LHFPL6: variants seen among roughly 807,000 people sequenced by gnomAD.
LHFPL6 encodes the protein LHFPL tetraspan subfamily member 6 protein.
In LHFPL6, 9 loss-of-function variants were observed where a neutral mutation model predicts 20.6. The ratio of observed to expected loss-of-function variants is 0.44; its 90% confidence interval spans 0.26 to 0.76. The LOEUF (loss-of-function observed/expected upper bound fraction) is 0.76, where lower values mean the gene tolerates loss of function less well. Ranked by LOEUF, LHFPL6 falls within the 30% of genes least tolerant of loss-of-function variation. The probability of loss-of-function intolerance (pLI) is 0.20; values close to 1 mark genes in which losing one functional copy is unlikely to be tolerated. For missense variants in LHFPL6, 218 were observed against 253.5 expected (o/e 0.86, Z 0.95); for synonymous variants, 105 against 98.7 (o/e 1.06, Z -0.38).
intron 2 of LHFPL6, among the ~76,000 whole-genome samples, chr13:39,393,920 C>T (rs1360759151): frequency 6.6e-6 from 1 of 152,118 alleles, no homozygotes; most frequent in Non-Finnish European, 1.5e-5. Context: ...CCTAATGTCT[C>T]TTTGTAAGTC....
chr13:39,527,952 T>C (rs1870347785), intron 2 of LHFPL6, among the ~76,000 whole-genome samples: 1 of 152,214 alleles, frequency 6.6e-6, no homozygotes. Flanking sequence ...TTCATGATCA[T>C]AAAACTTTAA....
At position 39,441,314 on chromosome 13, in the gene LHFPL6, G is replaced by C. The variant is rs550365127; in HGVS notation, c.386-62788C>G. Among the ~76,000 whole-genome samples the C allele has an allele frequency of 9.2e-5, 14 of 151,638 alleles. No individual in the cohort carries two copies. The South Asian group carries it at 2.7e-3, about 29-fold the overall frequency. On this transcript the variant is annotated intron_variant, in intron 2 of 3. Coordinates refer to ENST00000379589, the MANE Select transcript of LHFPL6 (RefSeq NM_005780.3). ...GCCTTGTTAAATGCATTGTTTATTA[G>C]GCTATTAGTTGATCAGGAAGTCAAA...
intron 2 of LHFPL6, among the ~76,000 whole-genome samples, chr13:39,387,653 T>C (rs932815408): frequency 1.3e-5 from 2 of 151,074 alleles, no homozygotes; most frequent in African/African-American, 4.9e-5. Flanking sequence ...TCTACTCAAG[T>C]GGTAGATCCA....
intron 2 of LHFPL6, among the ~76,000 whole-genome samples, chr13:39,553,382 A>G (rs1488514776): frequency 1.3e-5 from 2 of 152,148 alleles, no homozygotes; most frequent in Non-Finnish European, 2.9e-5. Flanking sequence ...AATGCAGTGG[A>G]AGTGACACTA....
At position 39,403,150 on chromosome 13, in the gene LHFPL6, A is replaced by T. The variant is rs1020953614; in HGVS notation, c.386-24624T>A. 4.6e-5 allele frequency among the ~76,000 whole-genome samples: 7 copies of T among 152,240 alleles called. No homozygotes were observed. The South Asian group carries it at 8.3e-4, about 18-fold the overall frequency. On this transcript the variant is annotated intron_variant, in intron 2 of 3. Transcript: ENST00000379589. ...TATTGAGAAATAGGGAAAAACAGGG[A>T]TCAATACATTGTGTGAGGTATGGGA... is the stretch of plus-strand genomic sequence containing the variant.
At chr13:39,372,777 T>C (rs1282738221) in intron 3 of LHFPL6, among the ~76,000 whole-genome samples, 1 of 152,256 alleles carries the variant, frequency 6.6e-6, no homozygotes, top group Non-Finnish European at 1.5e-5. Context: ...ACTACAAATG[T>C]GAGGTTTTTA....
intron 2 of LHFPL6, among the ~76,000 whole-genome samples, chr13:39,493,078 G>T (rs913568383): frequency 6.6e-6 from 1 of 151,994 alleles, no homozygotes; most frequent in South Asian, 2.1e-4. Flanking sequence ...GGTCATTCAG[G>T]TTCATGCCAA....
chr13:39,470,811 GT>G (rs1872924897), intron 2 of LHFPL6, among the ~76,000 whole-genome samples: 1 of 152,164 alleles, frequency 6.6e-6, no homozygotes, highest in Admixed American at 6.5e-5. Flanking sequence ...AGTAACTCAA[GT>G]TTTAGATAAT....
chr13:39,504,082 A>G (rs577727616), intron 2 of LHFPL6, among the ~76,000 whole-genome samples: 1 of 152,330 alleles, frequency 6.6e-6, no homozygotes, highest in South Asian at 2.1e-4. Flanking sequence ...TAAATAATAA[A>G]TATATGACTG....
At chr13:39,480,726 C>T (rs962651774) in intron 2 of LHFPL6, among the ~76,000 whole-genome samples, 1 of 152,140 alleles carries the variant, frequency 6.6e-6, no homozygotes, top group African/African-American at 2.4e-5. Flanking sequence ...GCAACTATGA[C>T]ATTATTATAC....
intron 2 of LHFPL6, among the ~76,000 whole-genome samples, chr13:39,405,344 C>T (rs1871092616): frequency 6.6e-6 from 1 of 152,140 alleles, no homozygotes; most frequent in Admixed American, 6.5e-5. Flanking sequence ...AGTCAGAAAA[C>T]CAGATTCACT....
intron 2 of LHFPL6, among the ~76,000 whole-genome samples, chr13:39,528,496 G>A (rs559740761): frequency 6.6e-6 from 1 of 152,334 alleles, no homozygotes; most frequent in African/African-American, 2.4e-5. Context: ...GTGCCAAGCT[G>A]TAGGGCATCC....
At chr13:39,562,631 T>TATATACAC (rs1275626463) in intron 2 of LHFPL6, among the ~76,000 whole-genome samples, 2 of 31,198 alleles carry the variant, frequency 6.4e-5, no homozygotes, top group African/African-American at 1.3e-4. Context: ...TATACACACA[T>TATATACAC]ATATATACAC....
intron 2 of LHFPL6, among the ~76,000 whole-genome samples, chr13:39,588,502 A>C (rs1361957908): frequency 6.6e-6 from 1 of 152,264 alleles, no homozygotes; most frequent in African/African-American, 2.4e-5. Context: ...AAATAAACTT[A>C]AGCTGGTTTG....
intron 2 of LHFPL6, among the ~76,000 whole-genome samples, chr13:39,437,706 T>C (rs1872000649): frequency 6.6e-6 from 1 of 151,994 alleles, no homozygotes; most frequent in South Asian, 2.1e-4. Context: ...GATCAAACCA[T>C]CCTGGCTAAC....
At position 39,407,539 on chromosome 13, in the gene LHFPL6, C is replaced by T. The variant is rs1054122692; in HGVS notation, c.386-29013G>A. Among the ~76,000 whole-genome samples the T allele has an allele frequency of 3.9e-5, 6 of 152,140 alleles. 1 individual carries two copies. Among genetic ancestry groups the T allele is most frequent in the Non-Finnish European group, 5.9e-5 (4 of 68,034 alleles). ...AAATTGAAAACTGGAAGAATTAGGT[C>T]ATGTCATCAAAACTTGCTATTTGCT... On this transcript the variant is annotated intron_variant, in intron 2 of 3. Transcript: ENST00000379589.
chr13:39,370,215 C>T (rs78929914), intron 3 of LHFPL6, among the ~76,000 whole-genome samples: 10,199 of 152,142 alleles, frequency 0.067, 376 homozygotes, highest in African/African-American at 0.083. Flanking sequence ...CCCTTGGACG[C>T]GGAAGTTTCC....
At chr13:39,385,811 C>T (rs1870549863) in intron 2 of LHFPL6, among the ~76,000 whole-genome samples, 1 of 152,214 alleles carries the variant, frequency 6.6e-6, no homozygotes, top group Admixed American at 6.5e-5. Flanking sequence ...CAATTACTCT[C>T]CACAGGTGGT....
chr13:39,353,823 T>C (rs1052176555), intron 3 of LHFPL6, among the ~76,000 whole-genome samples: 6 of 152,222 alleles, frequency 3.9e-5, no homozygotes, highest in African/African-American at 1.4e-4. Flanking sequence ...CCAAGGCGTC[T>C]ATTTATTTTG....
Sources: allele counts gnomAD v4.1 joint callset (sites outside exome capture counted in the v4.1 genomes callset), GRCh38; gene constraint gnomAD v4.1.1; transcripts MANE v1.5; gene names NCBI Gene and HGNC (gene_info 2026-07-23, HGNC 2026-07-21).